TMEM255B: variants seen among roughly 807,000 people sequenced by gnomAD.
The protein encoded by TMEM255B is family with sequence similarity 70, member B.
TMEM255B carries 35 observed loss-of-function variants against 34.5 expected under a neutral mutation model. The observed-to-expected ratio is 1.01, with a 90% CI of 0.77 to 1.34. The LOEUF (loss-of-function observed/expected upper bound fraction) is 1.34. TMEM255B is among the 40% of genes most tolerant of loss of function. The pLI, the probability that TMEM255B is intolerant of heterozygous loss-of-function variation, is 0.00. For synonymous variants in TMEM255B, 206 were observed against 201.2 expected (o/e 1.02, Z -0.20); for missense variants, 432 against 433.2 (o/e 1.00, Z 0.02).
rs368121904 is a variant in TMEM255B at position 113,769,032 on chromosome 13, A to G, written c.190-66A>G. ...TTTGAGGGCGGGATTATTTGCTTTA[A>G]ATGTCAGTGTTAAGCTTCTAGGCAC... On this transcript the variant is annotated intron_variant, in intron 2 of 8. Transcript: ENST00000375353. The surrounding 1 kb of genome is among the most constrained non-coding windows in gnomAD (Gnocchi z 4.2). 1,439 of 1,573,892 alleles carry G rather than the reference A, an allele frequency of 9.1e-4. 1 individual carries two copies. Among genetic ancestry groups the G allele is most frequent in the Non-Finnish European group, 1.2e-3 (1,377 of 1,144,180 alleles).
intron 1 of TMEM255B, among the ~76,000 whole-genome samples, chr13:113,763,153 G>A (rs2050334974): frequency 6.6e-6 from 1 of 152,152 alleles, no homozygotes; most frequent in Non-Finnish European, 1.5e-5. Context: ...CTCTGGTCAT[G>A]ATCAAATGAG....
rs1456383398 is a variant in TMEM255B at position 113,806,189 on chromosome 13, G to T, written c.813+1161G>T. Among the ~76,000 whole-genome samples the T allele has an allele frequency of 5.3e-5, 8 of 152,134 alleles. No homozygotes were observed. Among genetic ancestry groups the T allele is most frequent in the African/African-American group, 1.9e-4 (8 of 41,436 alleles). On this transcript the variant is annotated intron_variant, in intron 8 of 8. Coordinates refer to ENST00000375353, the MANE Select transcript of TMEM255B (RefSeq NM_182614.4). This position sits in a 1 kb window ranked among gnomAD's most constrained non-coding sequence, Gnocchi z 4.2. ...CAGAGAGGGCTCAGGTTTGAGCGGGGCCCGAGAGCCACGACCTTCTCAGCT... is the reference window on the plus strand; with the variant it reads ...CAGAGAGGGCTCAGGTTTGAGCGGGTCCCGAGAGCCACGACCTTCTCAGCT...
At chr13:113,785,328 T>C (rs3935960) in intron 3 of TMEM255B, among the ~76,000 whole-genome samples, 2 of 150,336 alleles carry the variant, frequency 1.3e-5, no homozygotes, top group Non-Finnish European at 3.0e-5. Context: ...CCTTCTGATT[T>C]CCACCTGCAC....
At chr13:113,797,800 T>C (rs995718807) in intron 4 of TMEM255B, among the ~76,000 whole-genome samples, 4 of 152,258 alleles carry the variant, frequency 2.6e-5, no homozygotes, top group African/African-American at 9.6e-5. Flanking sequence ...AAACTAAACG[T>C]GGGCAATGTG....
At chr13:113,776,529 G>A (rs1037915877) in intron 3 of TMEM255B, among the ~76,000 whole-genome samples, 3 of 152,228 alleles carry the variant, frequency 2.0e-5, no homozygotes, top group East Asian at 1.9e-4. Flanking sequence ...AGCTGTGCAC[G>A]TGACCCCACC....
intron 8 of TMEM255B, among the ~76,000 whole-genome samples, chr13:113,807,017 G>A (rs747442826): frequency 5.9e-5 from 9 of 152,230 alleles, no homozygotes; most frequent in Non-Finnish European, 1.3e-4. Flanking sequence ...GGCCCCAGAG[G>A]AGAGACAACA....
chr13:113,800,918 G>A lies in TMEM255B; in HGVS notation c.509+6G>A. On this transcript the variant is annotated splice_donor_region_variant and intron_variant, in intron 6 of 8. Transcript: ENST00000375353. ...GACCTCTATGCCTGCGGGAGGTGAG[G>A]GGCACCGGGGACCCCCATATCTACA... 8.3e-7 allele frequency: 1 copy of A among 1,203,898 alleles called. No homozygotes were observed. The allele number at this position is 1,203,898 out of a possible 1,614,324, so 74.6% of individuals were successfully genotyped here.
At chr13:113,774,124 G>A (rs140406589) in intron 3 of TMEM255B, among the ~76,000 whole-genome samples, 1,807 of 115,136 alleles carry the variant, frequency 0.016, 37 homozygotes, top group African/African-American at 0.057. Context: ...TTCACCCCCC[G>A]CCTGCTTCTT....
intron 2 of TMEM255B, among the ~76,000 whole-genome samples, chr13:113,767,391 T>G (rs1336536981): frequency 1.3e-5 from 2 of 152,236 alleles, no homozygotes; most frequent in Non-Finnish European, 1.5e-5. Context: ...GTGAGGGGCT[T>G]TTCTGCTTCC....
chr13:113,765,580 C>T (rs1163293534), intron 1 of TMEM255B, among the ~76,000 whole-genome samples: 1 of 152,150 alleles, frequency 6.6e-6, no homozygotes, highest in Non-Finnish European at 1.5e-5. Flanking sequence ...TGGAGTCACA[C>T]AGGGATCAAG....
rs980173902 is a variant in TMEM255B, at chr13:113,812,304, G to A, written c.*401G>A. The A allele has an allele frequency of 1.9e-5, 4 of 210,526 alleles. No homozygotes were observed. Among genetic ancestry groups the A allele is most frequent in the Non-Finnish European group, 3.8e-5 (4 of 105,378 alleles). The allele number at this position is 210,526 out of a possible 1,614,324, so 13.0% of individuals were successfully genotyped here. ...GACATGTGTTGTGCGTTACACGTTC[G>A]TGTGTGCATCTGTGTCCTGGAGAAG... On this transcript the variant is annotated 3_prime_UTR_variant, in exon 9 of 9. Coordinates refer to ENST00000375353, the MANE Select transcript of TMEM255B (RefSeq NM_182614.4).
At chr13:113,800,978 A>G in intron 6 of TMEM255B, 66 bp downstream of exon 6, 1 of 1,132,954 alleles carries the variant, frequency 8.8e-7, no homozygotes, top group Non-Finnish European at 1.2e-6. Flanking sequence ...GGACCCCCGT[A>G]TCTACACCTG....
chr13:113,787,437 T>C (rs2050762998), intron 3 of TMEM255B, among the ~76,000 whole-genome samples: 1 of 152,182 alleles, frequency 6.6e-6, no homozygotes, highest in East Asian at 1.9e-4. Context: ...TGGTGCGGCT[T>C]CTCTTCTCCG....
At position 113,769,863 on chromosome 13, in the gene TMEM255B, T is replaced by C. The variant is rs2140806977; in HGVS notation, c.252+703T>C. 6.6e-6 allele frequency: 1 copy of C among 152,572 alleles called. No homozygotes were observed. The highest frequency in any genetic ancestry group is 2.1e-4 in the South Asian group (1 of 4,822). The allele number at this position is 152,572 out of a possible 1,614,324, so 9.5% of individuals were successfully genotyped here. On this transcript the variant is annotated intron_variant, in intron 3 of 8. Coordinates refer to ENST00000375353, the MANE Select transcript of TMEM255B (RefSeq NM_182614.4). This position sits in a 1 kb window ranked among gnomAD's most constrained non-coding sequence, Gnocchi z 4.2. ...GTTTAGAGGGGAGGTGGTTGGGCCA[T>C]TTCTGCCTCATCTCCCAGTTGTTGC... is the stretch of plus-strand genomic sequence containing the variant.
chr13:113,799,885 C>T (rs993221175), intron 5 of TMEM255B: 1 of 1,115,704 alleles, frequency 9.0e-7, no homozygotes, highest in Non-Finnish European at 1.2e-6. Flanking sequence ...TCGGAGGGCA[C>T]AGCTCTGTGA....
chr13:113,786,510 T>C (rs1324615636), intron 3 of TMEM255B, among the ~76,000 whole-genome samples: 2 of 128,828 alleles, frequency 1.6e-5, no homozygotes, highest in East Asian at 3.2e-4. Context: ...ACCATCACCA[T>C]CATCACCATT....
Position 113,770,130 on chromosome 13 carries a change from T to C in TMEM255B, c.252+970T>C, listed in dbSNP as rs1490567807. On this transcript the variant is annotated intron_variant, in intron 3 of 8. Coordinates refer to ENST00000375353, the MANE Select transcript of TMEM255B (RefSeq NM_182614.4). The surrounding 1 kb of genome is among the most constrained non-coding windows in gnomAD (Gnocchi z 4.6). ...GGGCAGTTTACAAAAGAAAGAGGTT[T>C]AATTGAACTCACAGTTCCACGTGGC... is the stretch of plus-strand genomic sequence containing the variant. Among the ~76,000 whole-genome samples the C allele has an allele frequency of 1.3e-5, 2 of 152,218 alleles. No homozygotes were observed. Among genetic ancestry groups the C allele is most frequent in the Admixed American group, 6.5e-5 (1 of 15,280 alleles).
intron 3 of TMEM255B, among the ~76,000 whole-genome samples, chr13:113,776,837 AG>A (rs1015583872): frequency 2.0e-5 from 3 of 151,948 alleles, no homozygotes; most frequent in Non-Finnish European, 2.9e-5. Context: ...GAGCAGGAAA[AG>A]CTCCTCCTCG....
intron 1 of TMEM255B, 135 bp from the exon 2 acceptor site, chr13:113,765,980 G>A (rs2050381071): frequency 3.5e-6 from 4 of 1,135,036 alleles, no homozygotes; most frequent in Non-Finnish European, 3.8e-6. Context: ...GTGGTCCCCT[G>A]AGGTGGGCCT....
Sources: allele counts gnomAD v4.1 joint callset (sites outside exome capture counted in the v4.1 genomes callset), GRCh38; gene constraint gnomAD v4.1.1; non-coding constraint Gnocchi (gnomAD v3.1); transcripts MANE v1.5; gene names NCBI Gene and HGNC (gene_info 2026-07-23, HGNC 2026-07-21).